Variants in UNK observed in about 807,000 individuals in gnomAD.
UNK encodes the protein RING finger protein unkempt homolog.
A neutral mutation model predicts 97.6 loss-of-function variants in UNK; 32 were observed. The observed-to-expected ratio is 0.33, with a 90% CI of 0.25 to 0.44. The LOEUF is 0.44. UNK is among the 20% of genes least tolerant of loss of function. The probability of loss-of-function intolerance (pLI) is 1.00; values close to 1 mark genes in which losing one functional copy is unlikely to be tolerated. For synonymous variants in UNK, 441 were observed against 461.2 expected (o/e 0.96, Z 0.56); for missense variants, 771 against 1,098.4 (o/e 0.70, Z 4.21).
chr17:75,802,996 C>G (rs1357386621), intron 1 of UNK, among the ~76,000 whole-genome samples: 8 of 90,230 alleles, frequency 8.9e-5, no homozygotes, highest in Non-Finnish European at 1.5e-4. Flanking sequence ...GACGCGGTGG[C>G]TCACACCTGT....
At chr17:75,804,270 A>G (rs187787635) in intron 1 of UNK, among the ~76,000 whole-genome samples, 471 of 150,406 alleles carry the variant, frequency 3.1e-3, no homozygotes, top group Non-Finnish European at 5.1e-3. Context: ...CCTGGCCAAG[A>G]TGGGGAAACC....
At chr17:75,814,632 C>A (rs1177348222) in intron 6 of UNK, among the ~76,000 whole-genome samples, 1 of 152,114 alleles carries the variant, frequency 6.6e-6, no homozygotes, top group Non-Finnish European at 1.5e-5. Context: ...TGGGCCATAT[C>A]TGTGTGCCTA....
At chr17:75,809,592 T>C (rs563697015) in intron 1 of UNK, among the ~76,000 whole-genome samples, 168 bp from the exon 2 acceptor site, 1 of 152,294 alleles carries the variant, frequency 6.6e-6, no homozygotes, top group East Asian at 1.9e-4. Flanking sequence ...TTGGTTTGGA[T>C]CCTAGAGCTG....
intron 1 of UNK, chr17:75,794,236 T>A (rs1215018734): frequency 2.5e-5 from 23 of 922,522 alleles, no homozygotes; most frequent in Non-Finnish European, 3.0e-5. Flanking sequence ...TTTTATGGTA[T>A]TGTAGTTATG....
chr17:75,794,352 G>C (rs994135016), intron 1 of UNK, among the ~76,000 whole-genome samples: 2 of 152,050 alleles, frequency 1.3e-5, no homozygotes, highest in African/African-American at 2.4e-5. Context: ...GAAATGTTTA[G>C]TTAGCCGGGC....
Position 75,819,022 on chromosome 17 carries a change from G to T in UNK, c.1546+206G>T, listed in dbSNP as rs771319851. ...CAGGACTGACCCTTAGAGCTCCTTT[G>T]TGCAAATTAGAAAGAGGTGCCTTTT... On this transcript the variant is annotated intron_variant, in intron 11 of 15. Transcript: ENST00000589666. This position sits in a 1 kb window ranked among gnomAD's most constrained non-coding sequence, Gnocchi z 5.4. The T allele has an allele frequency of 3.2e-4, 172 of 535,908 alleles. No homozygotes were observed. The highest frequency in any genetic ancestry group is 1.0e-3 in the South Asian group (29 of 28,204). The allele number at this position is 535,908 out of a possible 1,614,324, so 33.2% of individuals were successfully genotyped here.
In UNK at chr17:75,789,792, A is replaced by G. The variant is rs563702428; in HGVS notation, c.104+4808A>G. On this transcript the variant is annotated intron_variant, in intron 1 of 15. Coordinates refer to ENST00000589666, the MANE Select transcript of UNK (RefSeq NM_001080419.3). Reference sequence around the variant, plus strand: ...TTGTAGCAATCACGTCTCAAAATGTATCTACAAGTTTAGCTACCTTTTGGC... The same window carrying G: ...TTGTAGCAATCACGTCTCAAAATGTGTCTACAAGTTTAGCTACCTTTTGGC... 2.0e-5 allele frequency among the ~76,000 whole-genome samples: 3 copies of G among 152,332 alleles called. No homozygotes were observed. The East Asian group carries it at 5.8e-4, about 29-fold the overall frequency.
chr17:75,822,796 C>A, intron 14 of UNK, 138 bp downstream of exon 14: 2 of 1,138,354 alleles, frequency 1.8e-6, no homozygotes, highest in East Asian at 2.9e-5. Flanking sequence ...TGTTCGCTCG[C>A]TCTCCCCCTG....
At position 75,818,611 on chromosome 17, in the gene UNK, A is replaced by G; in HGVS notation, c.1372-31A>G. 1.9e-6 allele frequency: 3 copies of G among 1,562,258 alleles called. No individual in the cohort carries two copies. Among genetic ancestry groups the G allele is most frequent in the Non-Finnish European group, 2.6e-6 (3 of 1,151,094 alleles). ...CCTGGCCTCCGTATGCAGGCCTACC[A>G]TTGCTTCTCCTCTTCCCTCTCTCGT... On this transcript the variant is annotated intron_variant, in intron 10 of 15. Coordinates refer to ENST00000589666, the MANE Select transcript of UNK (RefSeq NM_001080419.3). The surrounding 1 kb of genome is among the most constrained non-coding windows in gnomAD (Gnocchi z 5.1).
intron 1 of UNK, among the ~76,000 whole-genome samples, chr17:75,804,584 T>C (rs2061893109): frequency 1.3e-5 from 2 of 152,110 alleles, no homozygotes; most frequent in Non-Finnish European, 2.9e-5. Flanking sequence ...ATGCCTGTAA[T>C]CCCAGCACAT....
At chr17:75,804,828 G>A (rs960944167) in intron 1 of UNK, among the ~76,000 whole-genome samples, 2 of 151,174 alleles carry the variant, frequency 1.3e-5, no homozygotes, top group Non-Finnish European at 2.9e-5. Context: ...TCAACAGAGC[G>A]AGACTCTGTC....
intron 1 of UNK, chr17:75,791,833 A>G (rs906873228): frequency 3.0e-6 from 3 of 985,314 alleles, no homozygotes. Context: ...CTATCATCCT[A>G]CAAAGACTGT....
At chr17:75,805,846 A>T (rs1056927930) in intron 1 of UNK, among the ~76,000 whole-genome samples, 1 of 106,762 alleles carries the variant, frequency 9.4e-6, no homozygotes, top group African/African-American at 4.5e-5. Flanking sequence ...GTGTGTGTGT[A>T]TAATATATAT....
At position 75,818,748 on chromosome 17, in the gene UNK, G is replaced by A. The variant is rs1415661443; in HGVS notation, c.1478G>A (p.Ser493Asn). The A allele has an allele frequency of 6.2e-7, 1 of 1,613,140 alleles. No individual in the cohort carries two copies. Among genetic ancestry groups the A allele is most frequent in the Non-Finnish European group, 8.5e-7 (1 of 1,179,530 alleles). The change falls in exon 11 of 16, where the codon AGC (serine) becomes AAC (asparagine). Residue 493 changes from serine (S) to asparagine (N), a missense_variant. Physicochemically the swap from Ser to Asn is conservative, Grantham distance 46. Around this residue, in one of 5 missense-constraint regions of UNK, gnomAD observed 91 missense variants for 173.1 expected, o/e 0.53. Coordinates refer to ENST00000589666, the MANE Select transcript of UNK (RefSeq NM_001080419.3). The surrounding 1 kb of genome is among the most constrained non-coding windows in gnomAD (Gnocchi z 5.1). ...ATPPSPVGTS[S>N]VPGMNANALP... is the part of the protein sequence containing the mutation. ...CCCCCTAGCCCAGTGGGCACCAGCA[G>A]CGTCCCCGGCATGAATGCAAACGCT...
At chr17:75,798,566 G>A (rs1395413048) in intron 1 of UNK, among the ~76,000 whole-genome samples, 5 of 151,592 alleles carry the variant, frequency 3.3e-5, no homozygotes, top group Non-Finnish European at 5.9e-5. Context: ...GGCTGATCTC[G>A]AACTCCTGGC....
At chr17:75,787,765 C>T (rs912906719) in intron 1 of UNK, among the ~76,000 whole-genome samples, 2 of 150,276 alleles carry the variant, frequency 1.3e-5, no homozygotes, top group Non-Finnish European at 3.0e-5. Flanking sequence ...GCAGAGGTTG[C>T]AGTGAGCAGA....
At chr17:75,797,616 G>C (rs963035000) in intron 1 of UNK, among the ~76,000 whole-genome samples, 1 of 152,182 alleles carries the variant, frequency 6.6e-6, no homozygotes, top group African/African-American at 2.4e-5. Flanking sequence ...TTAGGGATAT[G>C]GGCAGATCTG....
intron 1 of UNK, among the ~76,000 whole-genome samples, chr17:75,805,861 G>A (rs1385292463): frequency 1.4e-5 from 2 of 143,020 alleles, no homozygotes; most frequent in Admixed American, 7.0e-5. Flanking sequence ...ATATATGTAT[G>A]TATTATAGAA....
chr17:75,801,727 T>G (rs1244634990), intron 1 of UNK, among the ~76,000 whole-genome samples: 1 of 151,984 alleles, frequency 6.6e-6, no homozygotes, highest in Non-Finnish European at 1.5e-5. Flanking sequence ...GTATTTTTAG[T>G]AGAGACGGGG....
Sources: gnomAD v4.1 joint callset for allele counts (sites outside exome capture counted in the v4.1 genomes callset) on GRCh38, gnomAD v4.1.1 for gene constraint, gnomAD v4.1.1 regional missense constraint, Gnocchi (gnomAD v3.1) non-coding constraint, MANE v1.5 for transcripts, NCBI Gene and HGNC (gene_info 2026-07-23, HGNC 2026-07-21) for gene names.